The following LRFN2 variants were observed in gnomAD, a reference collection of about 807,000 sequenced individuals.
The protein encoded by LRFN2 is leucine rich repeat and fibronectin type III domain containing 2.
Under a neutral mutation model 37.3 loss-of-function variants are expected in LRFN2, and 18 were observed. That is an observed-to-expected ratio of 0.48 (90% CI 0.33 to 0.72). The LOEUF (loss-of-function observed/expected upper bound fraction) is 0.72. Ranked by LOEUF, LRFN2 falls within the 30% of genes least tolerant of loss-of-function variation. The pLI is 0.02. For missense variants in LRFN2, 1,006 were observed against 1,060.7 expected (o/e 0.95, Z 0.72); for synonymous variants, 556 against 466.6 (o/e 1.19, Z -2.47).
intron 1 of LRFN2, among the ~76,000 whole-genome samples, chr6:40,564,844 C>T (rs925392773): frequency 6.6e-6 from 1 of 152,150 alleles, no homozygotes; most frequent in African/African-American, 2.4e-5. Flanking sequence ...CCATCTCCAC[C>T]ATCAGTGTGA....
chr6:40,531,977 G>A (rs2113909724), intron 1 of LRFN2, among the ~76,000 whole-genome samples: 1 of 152,316 alleles, frequency 6.6e-6, no homozygotes, highest in South Asian at 2.1e-4. Flanking sequence ...AATCTCCCGA[G>A]TCTCCATGCA....
intron 1 of LRFN2, among the ~76,000 whole-genome samples, chr6:40,473,030 A>T (rs1336398984): frequency 6.6e-6 from 1 of 151,860 alleles, no homozygotes; most frequent in Admixed American, 6.6e-5. Context: ...GACACAAAAT[A>T]CACACCTGCC....
At position 40,577,926 on chromosome 6, in the gene LRFN2, G is replaced by A. The variant is rs183161561; in HGVS notation, c.-19+9015C>T. Among the ~76,000 whole-genome samples the A allele has an allele frequency of 4.5e-3, 683 of 151,272 alleles. 4 individuals carry two copies. The highest frequency in any genetic ancestry group is 0.01 in the Middle Eastern group (3 of 294). The stretch of plus-strand genomic sequence containing the variant: ...GGTGGGTAGGAATATGGCCCAGGAG[G>A]ATGTCTCTGGCTTTCTCCCCACACA... On this transcript the variant is annotated intron_variant, in intron 1 of 2. Coordinates refer to ENST00000338305, the MANE Select transcript of LRFN2 (RefSeq NM_020737.3).
intron 1 of LRFN2, among the ~76,000 whole-genome samples, chr6:40,456,804 G>A (rs552736175): frequency 6.6e-6 from 1 of 152,290 alleles, no homozygotes; most frequent in South Asian, 2.1e-4. Context: ...AAAGGGAAGG[G>A]TGAAAAGCAG....
At position 40,427,279 on chromosome 6, in the gene LRFN2, T is replaced by C. The variant is rs554926187; in HGVS notation, c.1400+4435A>G. On this transcript the variant is annotated intron_variant, in intron 2 of 2. Transcript: ENST00000338305. ...ATATTTACATCAATTTATTAATCAG[T>C]CTGGTTATTTGACCAGTTACAAGTT... Among the ~76,000 whole-genome samples the C allele has an allele frequency of 2.6e-5, 4 of 152,390 alleles. No homozygotes were observed. In the South Asian group the frequency reaches 8.3e-4, roughly 32 times the overall value.
At chr6:40,401,653 A>ATG (rs1002839138) in intron 2 of LRFN2, among the ~76,000 whole-genome samples, 5 of 152,276 alleles carry the variant, frequency 3.3e-5, no homozygotes, top group African/African-American at 1.2e-4. Context: ...TTTAGTAGGT[A>ATG]TGTGAGTGAG....
chr6:40,555,194 G>C (rs1302870310), intron 1 of LRFN2, among the ~76,000 whole-genome samples: 2 of 152,340 alleles, frequency 1.3e-5, no homozygotes, highest in South Asian at 4.1e-4. Context: ...CAAGCTGTGA[G>C]GAGATGGGGA....
chr6:40,392,784 C>T lies in LRFN2; in HGVS notation c.1529G>A (p.Cys510Tyr). Residue 510 changes from cysteine (C) to tyrosine (Y), a missense_variant, in exon 3 of 3, where the codon TGC becomes TAC. Transcript: ENST00000338305. The surrounding 1 kb of genome is among the most constrained non-coding windows in gnomAD (Gnocchi z 4.7). ...GTCAGCCTTGGTGAAGAACTGGGCG[C>T]AGCCCACGATGTTGGTGGCCGTGAG... ...TTLTATNIVG[C>Y]AQFFTKADYP... The T allele has an allele frequency of 6.2e-7, 1 of 1,614,108 alleles. No homozygotes were observed. Among genetic ancestry groups the T allele is most frequent in the Non-Finnish European group, 8.5e-7 (1 of 1,179,996 alleles).
chr6:40,419,656 C>A (rs992676812), intron 2 of LRFN2, among the ~76,000 whole-genome samples: 4 of 152,162 alleles, frequency 2.6e-5, no homozygotes, highest in Non-Finnish European at 4.4e-5. Context: ...AGGCCTTTGA[C>A]TGGGCCTGAT....
At chr6:40,437,465 T>C (rs1236676732) in intron 1 of LRFN2, among the ~76,000 whole-genome samples, 1 of 152,192 alleles carries the variant, frequency 6.6e-6, no homozygotes, top group Non-Finnish European at 1.5e-5. Context: ...AGTTGTGTCC[T>C]TGTAAATTAT....
chr6:40,489,206 T>G (rs907502724), intron 1 of LRFN2, among the ~76,000 whole-genome samples: 1 of 152,130 alleles, frequency 6.6e-6, no homozygotes, highest in Middle Eastern at 3.2e-3. Context: ...TTAGTGTATT[T>G]GAAAACCAAT....
In LRFN2 at chr6:40,463,627, T is replaced by C. The variant is rs1316228103; in HGVS notation, c.-18-30496A>G. On this transcript the variant is annotated intron_variant, in intron 1 of 2. Transcript: ENST00000338305. ...CAGTGATACTTACTCCACTCCATGT[T>C]CCCTGCATTTCCCTGCATACATCAT... 3.3e-5 allele frequency among the ~76,000 whole-genome samples: 5 copies of C among 151,778 alleles called. 1 individual carries two copies. The East Asian group carries it at 9.7e-4, about 29-fold the overall frequency.
At chr6:40,403,462 C>G (rs574955665) in intron 2 of LRFN2, among the ~76,000 whole-genome samples, 3 of 152,302 alleles carry the variant, frequency 2.0e-5, no homozygotes, top group Non-Finnish European at 4.4e-5. Flanking sequence ...CCCTGTTCTT[C>G]TGCCCTTGTG....
chr6:40,450,903 G>A (rs1049971167), intron 1 of LRFN2, among the ~76,000 whole-genome samples: 1 of 152,212 alleles, frequency 6.6e-6, no homozygotes, highest in Non-Finnish European at 1.5e-5. Flanking sequence ...GAAGATCAGG[G>A]AAGAATTTCA....
intron 1 of LRFN2, among the ~76,000 whole-genome samples, chr6:40,505,069 T>G (rs1765496886): frequency 6.6e-6 from 1 of 152,198 alleles, no homozygotes; most frequent in African/African-American, 2.4e-5. Context: ...AGGGGACAGT[T>G]GCCCGTGGCC....
chr6:40,547,368 G>C (rs1272403744), intron 1 of LRFN2, among the ~76,000 whole-genome samples: 1 of 152,136 alleles, frequency 6.6e-6, no homozygotes, highest in East Asian at 1.9e-4. Context: ...GCCTCCCAAA[G>C]TGCTGGGATT....
intron 1 of LRFN2, among the ~76,000 whole-genome samples, chr6:40,445,179 A>G (rs768453078): frequency 3.3e-5 from 5 of 152,326 alleles, no homozygotes; most frequent in Non-Finnish European, 7.3e-5. Context: ...GATAGGTGCA[A>G]TCCAAGGGAA....
At chr6:40,537,976 C>A (rs1424753079) in intron 1 of LRFN2, among the ~76,000 whole-genome samples, 2 of 152,120 alleles carry the variant, frequency 1.3e-5, no homozygotes, top group Non-Finnish European at 2.9e-5. Context: ...GCCCCATCAC[C>A]TTTCCTGTGG....
At chr6:40,514,898 C>A (rs1439498876) in intron 1 of LRFN2, among the ~76,000 whole-genome samples, 2 of 152,100 alleles carry the variant, frequency 1.3e-5, no homozygotes, top group Non-Finnish European at 1.5e-5. Context: ...TTATGCAGCA[C>A]CCCCTCTTAT....
Sources: gnomAD v4.1 joint callset for allele counts (sites outside exome capture counted in the v4.1 genomes callset) on GRCh38, gnomAD v4.1.1 for gene constraint, Gnocchi (gnomAD v3.1) non-coding constraint, MANE v1.5 for transcripts, NCBI Gene and HGNC (gene_info 2026-07-23, HGNC 2026-07-21) for gene names.